Variants in RPS6KC1 observed in about 807,000 individuals in gnomAD.
RPS6KC1 encodes inactive ribosomal protein S6 kinase delta-1.
In RPS6KC1, 54 loss-of-function variants were observed where a neutral mutation model predicts 103.8. That is an observed-to-expected ratio of 0.52 (90% CI 0.42 to 0.65). The LOEUF is 0.65. RPS6KC1 is among the 30% of genes least tolerant of loss of function. The probability of loss-of-function intolerance (pLI) is 0.00; values close to 1 mark genes in which losing one functional copy is unlikely to be tolerated. For missense variants in RPS6KC1, 1,151 were observed against 1,253.8 expected (o/e 0.92, Z 1.24); for synonymous variants, 439 against 438.7 (o/e 1.00, Z -0.01).
chr1:213,504,804 A>C, the RPS6KC1 span, among the ~76,000 whole-genome samples: 1 of 152,150 alleles, frequency 6.6e-6, no homozygotes, highest in African/African-American at 2.4e-5. Context: ...AGCTTCTAGA[A>C]TCTTCTAATA....
chr1:213,401,171 A>G, the RPS6KC1 span, among the ~76,000 whole-genome samples: 1 of 152,124 alleles, frequency 6.6e-6, no homozygotes. Context: ...TCCTCTGCTT[A>G]GGTGGGTATT....
the RPS6KC1 span, among the ~76,000 whole-genome samples, chr1:213,669,724 A>G: frequency 4.7e-4 from 72 of 152,296 alleles, no homozygotes; most frequent in African/African-American, 1.2e-3. Flanking sequence ...GATTTATCCT[A>G]TGGTACAAGC....
chr1:213,541,073 A>G, the RPS6KC1 span, among the ~76,000 whole-genome samples: 2 of 151,774 alleles, frequency 1.3e-5, no homozygotes, highest in African/African-American at 4.8e-5. Context: ...CGAACCCTCA[A>G]AGTCATCCAT....
intron 8 of RPS6KC1, among the ~76,000 whole-genome samples, chr1:213,220,022 C>T (rs949182827): frequency 6.6e-6 from 1 of 151,838 alleles, no homozygotes; most frequent in African/African-American, 2.4e-5. Context: ...TAAAAAAACC[C>T]ATCATATTTA....
chr1:213,447,491 T>C, the RPS6KC1 span, among the ~76,000 whole-genome samples: 1 of 152,350 alleles, frequency 6.6e-6, no homozygotes, highest in Admixed American at 6.5e-5. Context: ...AATATAAATA[T>C]TTTTAAGCGG....
the RPS6KC1 span, among the ~76,000 whole-genome samples, chr1:213,683,684 A>G: frequency 2.6e-5 from 4 of 152,246 alleles, 1 homozygote; most frequent in South Asian, 8.3e-4. Flanking sequence ...TCCACCTGCT[A>G]CTTCCTAATC....
chr1:213,647,937 T>C, the RPS6KC1 span, among the ~76,000 whole-genome samples: 1 of 152,210 alleles, frequency 6.6e-6, no homozygotes, highest in East Asian at 1.9e-4. Flanking sequence ...CTGCACAACT[T>C]CTTCAACCTT....
intron 3 of RPS6KC1, among the ~76,000 whole-genome samples, chr1:213,088,248 C>T (rs1458253755): frequency 6.6e-6 from 1 of 152,202 alleles, no homozygotes; most frequent in Non-Finnish European, 1.5e-5. Flanking sequence ...ATCCGAATCC[C>T]AGCCTTGGAG....
chr1:213,239,293 C>G (rs1573526876), intron 10 of RPS6KC1, among the ~76,000 whole-genome samples: 1 of 151,612 alleles, frequency 6.6e-6, no homozygotes, highest in East Asian at 1.9e-4. Flanking sequence ...AGCTGAGATC[C>G]CACCACTGCA....
the RPS6KC1 span, among the ~76,000 whole-genome samples, chr1:213,362,965 G>T: frequency 6.6e-6 from 1 of 152,298 alleles, no homozygotes. Context: ...ATGTCAGCCT[G>T]CATAACTGTG....
the RPS6KC1 span, among the ~76,000 whole-genome samples, chr1:213,408,396 G>A: frequency 2.0e-5 from 3 of 152,182 alleles, no homozygotes; most frequent in Admixed American, 6.5e-5. Context: ...TATCAACTTG[G>A]TTAGGCTGCA....
At chr1:213,094,530 T>G (rs2081281922) in intron 3 of RPS6KC1, among the ~76,000 whole-genome samples, 1 of 152,218 alleles carries the variant, frequency 6.6e-6, no homozygotes, top group Non-Finnish European at 1.5e-5. Flanking sequence ...ACAAGCTATA[T>G]CTGTCTGATT....
the RPS6KC1 span, among the ~76,000 whole-genome samples, chr1:213,860,465 G>T: frequency 6.6e-6 from 1 of 152,040 alleles, no homozygotes; most frequent in South Asian, 2.1e-4. Flanking sequence ...ACAGCTATAG[G>T]AGCAATTAAT....
the RPS6KC1 span, among the ~76,000 whole-genome samples, chr1:213,742,495 G>T: frequency 6.6e-6 from 1 of 152,224 alleles, no homozygotes; most frequent in Non-Finnish European, 1.5e-5. Context: ...TTTAGCTGAA[G>T]AATACCTTTG....
the RPS6KC1 span, among the ~76,000 whole-genome samples, chr1:213,398,209 T>C: frequency 6.7e-6 from 1 of 149,264 alleles, no homozygotes. Flanking sequence ...TTTTTTTTTT[T>C]TTTTTTTTGT....
At chr1:213,214,628 G>C (rs1053385035) in intron 8 of RPS6KC1, among the ~76,000 whole-genome samples, 1 of 152,220 alleles carries the variant, frequency 6.6e-6, no homozygotes, top group Non-Finnish European at 1.5e-5. Context: ...GCACCCCCCA[G>C]TAGGGGCAGA....
chr1:213,206,369 T>G (rs2093349683), intron 8 of RPS6KC1, among the ~76,000 whole-genome samples: 1 of 152,248 alleles, frequency 6.6e-6, no homozygotes, highest in Non-Finnish European at 1.5e-5. Context: ...CTTTTATTTA[T>G]CAATTTAACA....
the RPS6KC1 span, among the ~76,000 whole-genome samples, chr1:213,284,336 C>T: frequency 2.2e-3 from 337 of 152,046 alleles, 1 homozygote; most frequent in African/African-American, 7.4e-3. Context: ...GCCAACATGG[C>T]GAAACCGTGT....
chr1:213,693,183 C>T, the RPS6KC1 span, among the ~76,000 whole-genome samples: 19,447 of 152,228 alleles, frequency 0.13, 1,388 homozygotes, highest in African/African-American at 0.19. Flanking sequence ...AATCTATTCT[C>T]AGCAGCCAAA....
Sources: allele counts gnomAD v4.1 joint callset (sites outside exome capture counted in the v4.1 genomes callset), GRCh38; gene constraint gnomAD v4.1.1; transcripts MANE v1.5; gene names NCBI Gene and HGNC (gene_info 2026-07-23, HGNC 2026-07-21).